RAP1B: variants seen among roughly 807,000 people sequenced by gnomAD.
The protein encoded by RAP1B is ras-related protein Rap-1b.
A neutral mutation model predicts 27.5 loss-of-function variants in RAP1B; 1 was observed. The observed-to-expected ratio is 0.04, with a 90% CI of 0.01 to 0.17. RAP1B has a LOEUF of 0.17. Among genes scored for constraint, RAP1B ranks in the 10% least tolerant of loss-of-function variants. RAP1B has a pLI of 1.00. For synonymous variants in RAP1B, 75 were observed against 73.1 expected (o/e 1.03, Z -0.13); for missense variants, 84 against 214.8 (o/e 0.39, Z 3.81).
At chr12:68,646,923 A>G (rs937672429) in intron 1 of RAP1B, among the ~76,000 whole-genome samples, 2 of 152,188 alleles carry the variant, frequency 1.3e-5, no homozygotes, top group African/African-American at 2.4e-5. Context: ...CGGATTACCA[A>G]TTTTCCATTT....
rs572459277 is a variant in RAP1B, at chr12:68,634,680, A to G, written c.-26-14019A>G. 3.3e-5 allele frequency among the ~76,000 whole-genome samples: 5 copies of G among 152,228 alleles called. No individual in the cohort carries two copies. In the East Asian group the frequency reaches 7.7e-4, roughly 24 times the overall value. On this transcript the variant is annotated intron_variant, in intron 1 of 7. Coordinates refer to ENST00000250559, the MANE Select transcript of RAP1B (RefSeq NM_001010942.3). ...ATCTCTTGACTCGGCTGAGAAATCT[A>G]TTAAACTGGTTCTTCTGCATTTGTC... is the stretch of plus-strand genomic sequence containing the variant.
At chr12:68,622,992 A>G (rs1871491231) in intron 1 of RAP1B, among the ~76,000 whole-genome samples, 1 of 152,166 alleles carries the variant, frequency 6.6e-6, no homozygotes, top group Non-Finnish European at 1.5e-5. Context: ...GTGAGCCACC[A>G]CACCCAGCCT....
At chr12:68,633,132 G>A (rs7298734) in intron 1 of RAP1B, among the ~76,000 whole-genome samples, 9,414 of 152,174 alleles carry the variant, frequency 0.062, 727 homozygotes, top group African/African-American at 0.19. Flanking sequence ...AACATCATCA[G>A]AGTTCATTGG....
chr12:68,655,535 C>CTTT (rs35350174), intron 5 of RAP1B, among the ~76,000 whole-genome samples: 21 of 125,594 alleles, frequency 1.7e-4, no homozygotes, highest in East Asian at 2.3e-4. Context: ...TTTTGATTGG[C>CTTT]TTTTTTTTTT....
intron 1 of RAP1B, chr12:68,624,396 T>G (rs980355871): frequency 6.6e-6 from 1 of 152,230 alleles, no homozygotes; most frequent in East Asian, 1.9e-4. Flanking sequence ...GCAGTTTGTT[T>G]CCTAATAATG....
chr12:68,620,852 T>A (rs1871340175), intron 1 of RAP1B, among the ~76,000 whole-genome samples: 5 of 152,150 alleles, frequency 3.3e-5, no homozygotes, highest in African/African-American at 9.7e-5. Flanking sequence ...TCCTCCAAAG[T>A]GCTGGGATTA....
chr12:68,630,874 G>T (rs1872185496), intron 1 of RAP1B, among the ~76,000 whole-genome samples: 1 of 151,838 alleles, frequency 6.6e-6, no homozygotes, highest in Non-Finnish European at 1.5e-5. Flanking sequence ...GTAGGGGTGG[G>T]GTTTCGCCTT....
rs1244523165 is a variant in RAP1B at position 68,670,230 on chromosome 12, C to A, written c.*10981C>A. 6.6e-6 allele frequency: 1 copy of A among 151,862 alleles called. No homozygotes were observed. Among genetic ancestry groups the A allele is most frequent in the Non-Finnish European group, 1.5e-5 (1 of 67,986 alleles). The allele number at this position is 151,862 out of a possible 1,614,324, so 9.4% of individuals were successfully genotyped here. On this transcript the variant is annotated 3_prime_UTR_variant, in exon 8 of 8. Transcript: ENST00000250559. ...GGATTACAGGTGTGAGCCACTGTGC[C>A]CGGCCGACAAAAATATATTTCAATA...
chr12:68,628,104 C>T (rs1871946577), intron 1 of RAP1B, among the ~76,000 whole-genome samples: 2 of 152,084 alleles, frequency 1.3e-5, no homozygotes, highest in African/African-American at 4.8e-5. Context: ...GACCCTGTCT[C>T]TTAAAAAGAA....
rs1565677552 is a variant in RAP1B at position 68,662,099 on chromosome 12, C to CTA, written c.*2859_*2860dup. On this transcript the variant is annotated 3_prime_UTR_variant, in exon 8 of 8. Coordinates refer to ENST00000250559, the MANE Select transcript of RAP1B (RefSeq NM_001010942.3). ...TAGTACAGTGGAGGTCTATATAATA[C>CTA]TATATATATAATTTATTTTTTTCAA... is the stretch of plus-strand genomic sequence containing the variant. 1.4e-5 allele frequency: 2 copies of CTA among 146,342 alleles called. No homozygotes were observed. The highest frequency in any genetic ancestry group is 5.0e-5 in the African/African-American group (2 of 39,740). The allele number at this position is 146,342 out of a possible 1,614,324, so 9.1% of individuals were successfully genotyped here. A position where few individuals can be genotyped will look rare whatever the true frequency, so the allele number is the denominator to read the frequency against.
chr12:68,652,181 C>T (rs930973335), intron 4 of RAP1B, 130 bp downstream of exon 4: 4 of 661,070 alleles, frequency 6.1e-6, no homozygotes, highest in Non-Finnish European at 7.6e-6. Flanking sequence ...TGTAGTGGCT[C>T]ACACCTCTAT....
rs1057430054 is a variant in RAP1B at position 68,611,003 on chromosome 12, GGGGCGACGCT to G, written c.-64_-55del. On this transcript the variant is annotated 5_prime_UTR_variant, in exon 1 of 8. Transcript: ENST00000250559. ...TAGAGTAGCGACCCGGGGGGAGCGC[GGGGCGACGCT>G]GGCTGCAGGGACCCGGTGACAGCGT... 5.6e-4 allele frequency: 184 copies of G among 326,018 alleles called. No individual in the cohort carries two copies. The highest frequency in any genetic ancestry group is 3.8e-3 in the African/African-American group (175 of 45,692). 20.2% of individuals were successfully genotyped at this position (326,018 alleles called of 1,614,324 possible).
chr12:68,629,960 A>G (rs1178449965), intron 1 of RAP1B, among the ~76,000 whole-genome samples: 1 of 152,242 alleles, frequency 6.6e-6, no homozygotes, highest in Non-Finnish European at 1.5e-5. Flanking sequence ...AATATTCTAC[A>G]GCAGAAATTT....
At position 68,660,709 on chromosome 12, in the gene RAP1B, A is replaced by G. The variant is rs1305468614; in HGVS notation, c.*1460A>G. On this transcript the variant is annotated 3_prime_UTR_variant, in exon 8 of 8. Transcript: ENST00000250559. ...TAGCGAGTTTTCTGGTATTGTTTGA[A>G]TATCCACATAACCACCTTTTGAACT... 1 of 152,258 alleles carries G rather than the reference A, an allele frequency of 6.6e-6. No individual in the cohort carries two copies. Among genetic ancestry groups the G allele is most frequent in the Non-Finnish European group, 1.5e-5 (1 of 68,044 alleles). The allele number at this position is 152,258 out of a possible 1,614,324, so 9.4% of individuals were successfully genotyped here. A position where few individuals can be genotyped will look rare whatever the true frequency, so the allele number is the denominator to read the frequency against.
In RAP1B at chr12:68,650,385, T is replaced by C. The variant is rs1320111746; in HGVS notation, c.58-15T>C. The C allele has an allele frequency of 3.3e-6, 5 of 1,534,468 alleles. No individual in the cohort carries two copies. Among genetic ancestry groups the C allele is most frequent in the Non-Finnish European group, 4.4e-6 (5 of 1,136,402 alleles). On this transcript the variant is annotated splice_polypyrimidine_tract_variant and intron_variant, in intron 2 of 7. Coordinates refer to ENST00000250559, the MANE Select transcript of RAP1B (RefSeq NM_001010942.3). Reference sequence around the variant, plus strand: ...TTTCTTTAGAAGTATAATGGTTTCTTAATTTTTTTTTCAGACTGTACAATT... The same window carrying C: ...TTTCTTTAGAAGTATAATGGTTTCTCAATTTTTTTTTCAGACTGTACAATT...
At position 68,662,681 on chromosome 12, in the gene RAP1B, C is replaced by T. The variant is rs2080560119; in HGVS notation, c.*3432C>T. The T allele has an allele frequency of 6.6e-6, 1 of 152,072 alleles. No individual in the cohort carries two copies. The allele number at this position is 152,072 out of a possible 1,614,324, so 9.4% of individuals were successfully genotyped here. On this transcript the variant is annotated 3_prime_UTR_variant, in exon 8 of 8. Transcript: ENST00000250559. ...GTTATAGTGTTTTACAATTAATACT[C>T]TTACTATTACCTTAGAAGCCTTAAA...
chr12:68,641,928 C>T (rs1236506317), intron 1 of RAP1B, among the ~76,000 whole-genome samples: 1 of 152,112 alleles, frequency 6.6e-6, no homozygotes, highest in Non-Finnish European at 1.5e-5. Flanking sequence ...GTGAATCATG[C>T]ATAAAGTTTA....
At chr12:68,621,937 C>A (rs894866036) in intron 1 of RAP1B, among the ~76,000 whole-genome samples, 2 of 152,152 alleles carry the variant, frequency 1.3e-5, no homozygotes. Context: ...ACCTTTATTT[C>A]ATTGTCCTCA....
At chr12:68,646,114 A>G (rs926451179) in intron 1 of RAP1B, among the ~76,000 whole-genome samples, 1 of 152,194 alleles carries the variant, frequency 6.6e-6, no homozygotes, top group Non-Finnish European at 1.5e-5. Context: ...CCCACAGCCA[A>G]CTCAGCCACC....
Sources: gnomAD v4.1 joint callset for allele counts (sites outside exome capture counted in the v4.1 genomes callset) on GRCh38, gnomAD v4.1.1 for gene constraint, MANE v1.5 for transcripts, NCBI Gene and HGNC (gene_info 2026-07-23, HGNC 2026-07-21) for gene names.